The following CHRM2 variants were observed in gnomAD, a reference collection of about 807,000 sequenced individuals.
CHRM2 encodes cholinergic receptor muscarinic 2, also known as muscarinic acetylcholine receptor M2.
Under a neutral mutation model 25.0 loss-of-function variants are expected in CHRM2, and 8 were observed. That is an observed-to-expected ratio of 0.32 (90% CI 0.19 to 0.58). The LOEUF (loss-of-function observed/expected upper bound fraction) is 0.58. CHRM2 is among the 20% of genes least tolerant of loss of function. The pLI, the probability that CHRM2 is intolerant of heterozygous loss-of-function variation, is 0.88. For synonymous variants in CHRM2, 202 were observed against 205.7 expected, an observed-to-expected ratio of 0.98 and a Z score of 0.15; for missense variants, 440 against 567.1, an observed-to-expected ratio of 0.78 and a Z score of 2.28.
chr7:136,913,089 A>C (rs1250826505), intron 2 of CHRM2, among the ~76,000 whole-genome samples: 2 of 151,956 alleles, frequency 1.3e-5, no homozygotes, highest in Non-Finnish European at 2.9e-5. Flanking sequence ...ATAGTAAATA[A>C]ATTTATAACT....
intron 2 of CHRM2, among the ~76,000 whole-genome samples, chr7:136,975,763 C>T (rs1276004856): frequency 6.6e-6 from 1 of 152,060 alleles, no homozygotes; most frequent in Non-Finnish European, 1.5e-5. Context: ...TGGAACAAAG[C>T]CAATAAGATT....
chr7:137,001,394 A>G (rs998682619), intron 3 of CHRM2, among the ~76,000 whole-genome samples: 63 of 152,214 alleles, frequency 4.1e-4, no homozygotes, highest in African/African-American at 1.4e-3. Context: ...CAACCAAACA[A>G]GGAAGAGCCA....
chr7:137,000,609 A>G (rs1465309390), intron 3 of CHRM2, among the ~76,000 whole-genome samples: 1 of 147,176 alleles, frequency 6.8e-6, no homozygotes, highest in Non-Finnish European at 1.5e-5. Flanking sequence ...AAGCAAGTAA[A>G]CCAAATATTT....
chr7:136,951,396 G>C (rs1052261774), intron 2 of CHRM2, among the ~76,000 whole-genome samples: 4 of 152,154 alleles, frequency 2.6e-5, no homozygotes, highest in African/African-American at 9.7e-5. Context: ...ATAGGCACTA[G>C]AGAAATGACA....
chr7:136,999,225 G>A (rs993624543), intron 3 of CHRM2, among the ~76,000 whole-genome samples: 2 of 151,948 alleles, frequency 1.3e-5, no homozygotes, highest in Non-Finnish European at 1.5e-5. Flanking sequence ...ATGTACCATC[G>A]GGGAGGGGAA....
intron 3 of CHRM2, among the ~76,000 whole-genome samples, chr7:136,999,788 T>C (rs1209413512): frequency 6.6e-6 from 1 of 152,200 alleles, no homozygotes; most frequent in Non-Finnish European, 1.5e-5. Context: ...ACATAAATGC[T>C]GCCACAGTCT....
intron 2 of CHRM2, chr7:136,898,960 G>A (rs1473659485): frequency 6.6e-6 from 1 of 151,994 alleles, no homozygotes; most frequent in African/African-American, 2.4e-5. Flanking sequence ...TATATAGGAA[G>A]CAAATTTTAG....
intron 2 of CHRM2, among the ~76,000 whole-genome samples, chr7:136,989,468 C>G (rs1803073711): frequency 6.6e-6 from 1 of 152,108 alleles, no homozygotes; most frequent in African/African-American, 2.4e-5. Flanking sequence ...TAAAACCTAT[C>G]TTGTCTTGCA....
At chr7:136,913,347 G>A (rs554445583) in intron 2 of CHRM2, among the ~76,000 whole-genome samples, 1 of 151,854 alleles carries the variant, frequency 6.6e-6, no homozygotes, top group Non-Finnish European at 1.5e-5. Context: ...CCACAGGAAG[G>A]AGTTATTTAA....
intron 2 of CHRM2, among the ~76,000 whole-genome samples, chr7:136,948,526 A>C (rs888873948): frequency 3.9e-5 from 6 of 152,176 alleles, no homozygotes; most frequent in African/African-American, 1.4e-4. Flanking sequence ...CATTTAAGTC[A>C]ACCAAGCACT....
intron 2 of CHRM2, among the ~76,000 whole-genome samples, chr7:136,963,348 CAG>C (rs1243689050): frequency 6.6e-6 from 1 of 152,040 alleles, no homozygotes; most frequent in African/African-American, 2.4e-5. Context: ...AGTGGAGAAA[CAG>C]AGTTAAAGAA....
intron 3 of CHRM2, among the ~76,000 whole-genome samples, chr7:137,009,741 T>C (rs1330397801): frequency 6.6e-6 from 1 of 151,986 alleles, no homozygotes; most frequent in Non-Finnish European, 1.5e-5. Context: ...ATAAAAGGAG[T>C]ATAATAAACA....
chr7:137,010,795 T>C (rs1054275046), intron 3 of CHRM2, among the ~76,000 whole-genome samples: 16 of 151,976 alleles, frequency 1.1e-4, no homozygotes, highest in African/African-American at 3.4e-4. Flanking sequence ...AGAATTCCAG[T>C]TTACCGGAAA....
chr7:136,888,477 T>C (rs889639562), intron 2 of CHRM2, among the ~76,000 whole-genome samples: 4 of 152,150 alleles, frequency 2.6e-5, no homozygotes, highest in African/African-American at 9.7e-5. Flanking sequence ...AGAAAGGAAT[T>C]ACATATGTGA....
chr7:136,906,388 A>G (rs1797552480), intron 2 of CHRM2, among the ~76,000 whole-genome samples: 1 of 151,078 alleles, frequency 6.6e-6, no homozygotes, highest in Non-Finnish European at 1.5e-5. Flanking sequence ...TTATATATGT[A>G]TGTATTATAC....
chr7:136,959,850 G>T (rs945399428), intron 2 of CHRM2, among the ~76,000 whole-genome samples: 2 of 152,190 alleles, frequency 1.3e-5, no homozygotes, highest in African/African-American at 4.8e-5. Flanking sequence ...GGCAGAGTTT[G>T]CAGTGAGCTG....
intron 2 of CHRM2, among the ~76,000 whole-genome samples, chr7:136,990,209 A>G (rs1803127261): frequency 6.6e-6 from 1 of 152,144 alleles, no homozygotes; most frequent in African/African-American, 2.4e-5. Flanking sequence ...ATGAATATAC[A>G]TTGAACACAT....
At chr7:136,995,610 A>C (rs1029438205) in intron 3 of CHRM2, among the ~76,000 whole-genome samples, 1 of 151,902 alleles carries the variant, frequency 6.6e-6, no homozygotes, top group African/African-American at 2.4e-5. Flanking sequence ...AAAAATTAAA[A>C]AACATTACCC....
chr7:136,915,518 A>G (rs1232456159), intron 2 of CHRM2, among the ~76,000 whole-genome samples: 1 of 151,896 alleles, frequency 6.6e-6, no homozygotes, highest in East Asian at 1.9e-4. Flanking sequence ...ATTATTAAGA[A>G]ATCAAGAATT....
Sources: allele counts gnomAD v4.1 joint callset (sites outside exome capture counted in the v4.1 genomes callset), GRCh38; gene constraint gnomAD v4.1.1; transcripts MANE v1.5; gene names NCBI Gene and HGNC (gene_info 2026-07-23, HGNC 2026-07-21).